CHD2: variants seen among roughly 807,000 people sequenced by gnomAD.
The protein encoded by CHD2 is chromodomain helicase DNA binding protein 2, also known as ATP-dependent chromatin remodeler CHD2.
CHD2 carries 28 observed loss-of-function variants against 243.9 expected under a neutral mutation model. The ratio of observed to expected loss-of-function variants is 0.11; its 90% CI spans 0.09 to 0.16. The LOEUF (loss-of-function observed/expected upper bound fraction) is 0.16, where lower values mean the gene tolerates loss of function less well. CHD2 is among the 10% of genes least tolerant of loss of function. CHD2 has a pLI of 1.00. For missense variants in CHD2, 1,386 were observed against 2,209.8 expected (o/e 0.63, Z 7.47); for synonymous variants, 775 against 779.0 (o/e 0.99, Z 0.09).
At chr15:92,923,079 T>A (rs2141742835) in intron 2 of CHD2, among the ~76,000 whole-genome samples, 1 of 152,322 alleles carries the variant, frequency 6.6e-6, no homozygotes, top group Non-Finnish European at 1.5e-5. Context: ...TTACTTCTGT[T>A]AAGTCTACCA....
chr15:92,943,476 G>T, intron 9 of CHD2: 1 of 196,046 alleles, frequency 5.1e-6, no homozygotes. Flanking sequence ...GTTAGGCTGG[G>T]GTGGCTTAGA....
chr15:92,990,489 C>T (rs961285000), intron 26 of CHD2, among the ~76,000 whole-genome samples: 2 of 152,128 alleles, frequency 1.3e-5, no homozygotes, highest in Non-Finnish European at 2.9e-5. Context: ...TTCACAGACC[C>T]TTAGTCTGTC....
intron 14 of CHD2, among the ~76,000 whole-genome samples, chr15:92,954,793 G>A (rs1409079729): frequency 6.6e-6 from 1 of 152,146 alleles, no homozygotes; most frequent in Non-Finnish European, 1.5e-5. Context: ...GGCACTTACT[G>A]TCTTGTTCTC....
intron 25 of CHD2, 64 bp from the exon 26 acceptor site, chr15:92,985,434 T>G: frequency 6.7e-7 from 1 of 1,490,468 alleles, no homozygotes; most frequent in Non-Finnish European, 9.0e-7. Flanking sequence ...TGGCCTTCTC[T>G]TAGTCCTTTC....
intron 28 of CHD2, among the ~76,000 whole-genome samples, chr15:92,993,854 G>A (rs1388665158): frequency 6.6e-6 from 1 of 152,168 alleles, no homozygotes; most frequent in Non-Finnish European, 1.5e-5. Context: ...AGGCTGAGGT[G>A]GGAGGTTCGA....
intron 2 of CHD2, among the ~76,000 whole-genome samples, chr15:92,903,279 T>C (rs976252285): frequency 2.6e-5 from 4 of 152,250 alleles, no homozygotes; most frequent in Non-Finnish European, 5.9e-5. Context: ...ACTTGGTTCC[T>C]TCTGCCATCA....
At chr15:92,949,381 A>C in intron 13 of CHD2, 2 of 375,448 alleles carry the variant, frequency 5.3e-6, no homozygotes, top group Non-Finnish European at 8.3e-6. Flanking sequence ...AAGTTAAGTC[A>C]CTCAAATCTT....
intron 16 of CHD2, among the ~76,000 whole-genome samples, chr15:92,964,310 G>A (rs576344887): frequency 6.6e-6 from 1 of 152,332 alleles, no homozygotes; most frequent in African/African-American, 2.4e-5. Flanking sequence ...ACAAAGATAT[G>A]TATATGAAAA....
intron 35 of CHD2, among the ~76,000 whole-genome samples, chr15:93,010,040 A>T (rs1008276358): frequency 6.6e-6 from 1 of 152,122 alleles, no homozygotes; most frequent in African/African-American, 2.4e-5. Context: ...CCTTCCCCCC[A>T]GAGTCCGTTA....
At chr15:92,923,316 A>G (rs970247981) in intron 2 of CHD2, among the ~76,000 whole-genome samples, 3 of 152,126 alleles carry the variant, frequency 2.0e-5, no homozygotes, top group Non-Finnish European at 2.9e-5. Context: ...GCTGGAGTAC[A>G]GTGGCGTAAT....
intron 36 of CHD2, 145 bp from the exon 37 acceptor site, chr15:93,014,550 GC>G: frequency 1.5e-6 from 1 of 674,784 alleles, no homozygotes; most frequent in Non-Finnish European, 2.5e-6. Context: ...GAATTTATGA[GC>G]CTTTTTTTTG....
At position 92,904,619 on chromosome 15, in the gene CHD2, A is replaced by G. The variant is rs557434876; in HGVS notation, c.62+3320A>G. ...CACCCTGTAGTGTGTTCTTTTGCCC[A>G]TTTCCGGGAATGGTTTATCCTCTTT... is the stretch of plus-strand genomic sequence containing the variant. On this transcript the variant is annotated intron_variant, in intron 2 of 38. Coordinates refer to ENST00000394196, the MANE Select transcript of CHD2 (RefSeq NM_001271.4). The G allele has an allele frequency of 4.2e-6, 5 of 1,177,128 alleles. No homozygotes were observed. In the African/African-American group the frequency reaches 6.4e-5, roughly 15 times the overall value. 72.9% of individuals were successfully genotyped at this position (1,177,128 alleles called of 1,614,324 possible).
chr15:92,949,156 T>G, intron 13 of CHD2, 80 bp downstream of exon 13: 2 of 1,575,640 alleles, frequency 1.3e-6, no homozygotes, highest in Non-Finnish European at 1.7e-6. Flanking sequence ...TTTTTTTTTC[T>G]TTTTTCACAC....
chr15:92,978,162 A>G, intron 20 of CHD2, 72 bp from the exon 21 acceptor site: 2 of 1,578,632 alleles, frequency 1.3e-6, no homozygotes, highest in East Asian at 4.5e-5. Context: ...TTCCAGGTGT[A>G]AGGGCTTATT....
chr15:93,024,600 A>G lies in CHD2; in HGVS notation c.5382A>G (p.Lys1794=). The part of the protein sequence containing the change: ...VSDPRSPPSQ[K]SPHDSKSPLD... ...ATCCTCGCTCACCCCCTTCTCAGAA[A>G]TCTCCTCACGATTCCAAGTCACCCC... The change falls in exon 39 of 39, where the codon AAA becomes AAG. Residue 1794 remains lysine (K), a synonymous_variant. Transcript: ENST00000394196. 2 of 1,614,160 alleles carry G rather than the reference A, an allele frequency of 1.2e-6. No individual in the cohort carries two copies. Among genetic ancestry groups the G allele is most frequent in the Non-Finnish European group, 1.7e-6 (2 of 1,180,020 alleles).
Position 92,998,651 on chromosome 15 carries a change from A to G in CHD2, c.4008+30A>G. On this transcript the variant is annotated intron_variant, in intron 31 of 38. Coordinates refer to ENST00000394196, the MANE Select transcript of CHD2 (RefSeq NM_001271.4). The surrounding 1 kb of genome is among the most constrained non-coding windows in gnomAD (Gnocchi z 5.1). ...GTACGCTGCCAGCTGGTTGTTTTTC[A>G]GGGGCCTGAGGCTCCTACCCTGCAG... 1.2e-6 allele frequency: 2 copies of G among 1,606,090 alleles called. No homozygotes were observed. Among genetic ancestry groups the G allele is most frequent in the Non-Finnish European group, 1.7e-6 (2 of 1,175,322 alleles).
chr15:92,938,639 C>T (rs2053307300), intron 6 of CHD2, among the ~76,000 whole-genome samples: 1 of 152,156 alleles, frequency 6.6e-6, no homozygotes, highest in Admixed American at 6.5e-5. Context: ...GAATTTTGCT[C>T]ATTATTTATT....
intron 24 of CHD2, 84 bp downstream of exon 24, chr15:92,981,541 G>A: frequency 9.5e-7 from 1 of 1,054,618 alleles, no homozygotes; most frequent in Non-Finnish European, 1.4e-6. Flanking sequence ...TTTGTGCTAG[G>A]CGCTCTGCTT....
intron 18 of CHD2, 64 bp from the exon 19 acceptor site, chr15:92,972,201 G>A: frequency 1.3e-6 from 2 of 1,506,232 alleles, no homozygotes; most frequent in East Asian, 2.3e-5. Context: ...TGGATTTGTA[G>A]AGATTAGGGA....
Sources: gnomAD v4.1 joint callset for allele counts (sites outside exome capture counted in the v4.1 genomes callset) on GRCh38, gnomAD v4.1.1 for gene constraint, Gnocchi (gnomAD v3.1) non-coding constraint, MANE v1.5 for transcripts, NCBI Gene and HGNC (gene_info 2026-07-23, HGNC 2026-07-21) for gene names.